The following GALNT1 variants were observed in gnomAD, a reference collection of about 807,000 sequenced individuals.
GALNT1 encodes the protein GalNAc transferase 1.
Under a neutral mutation model 65.7 loss-of-function variants are expected in GALNT1, and 17 were observed. The observed-to-expected ratio is 0.26, with a 90% CI of 0.18 to 0.39. The LOEUF is 0.39. Among genes scored for constraint, GALNT1 ranks in the 10% least tolerant of loss-of-function variants. GALNT1 has a pLI of 1.00. For missense variants in GALNT1, 460 were observed against 672.8 expected (o/e 0.68, Z 3.50); for synonymous variants, 210 against 219.7 (o/e 0.96, Z 0.39).
At chr18:35,678,796 A>T (rs1308100307) in intron 4 of GALNT1, among the ~76,000 whole-genome samples, 1 of 152,196 alleles carries the variant, frequency 6.6e-6, no homozygotes, top group Non-Finnish European at 1.5e-5. Flanking sequence ...GTTAAGTATC[A>T]TACTTTCTCC....
intron 7 of GALNT1, among the ~76,000 whole-genome samples, chr18:35,689,862 C>T (rs2047929480): frequency 6.6e-6 from 1 of 152,142 alleles, no homozygotes; most frequent in Non-Finnish European, 1.5e-5. Context: ...TTGCAAATAA[C>T]CAACTTTAGA....
At chr18:35,603,082 A>G (rs1727633724) in intron 1 of GALNT1, among the ~76,000 whole-genome samples, 1 of 152,142 alleles carries the variant, frequency 6.6e-6, no homozygotes, top group Non-Finnish European at 1.5e-5. Context: ...CCTTAAGTCT[A>G]GGTTTTCCTT....
intron 11 of GALNT1, among the ~76,000 whole-genome samples, chr18:35,708,228 C>CAA (rs2048297922): frequency 6.6e-6 from 1 of 151,964 alleles, no homozygotes; most frequent in South Asian, 2.1e-4. Context: ...ATAAACTACA[C>CAA]AAAGTCTGCA....
chr18:35,587,431 G>C (rs1476838807), intron 1 of GALNT1, among the ~76,000 whole-genome samples: 1 of 152,124 alleles, frequency 6.6e-6, no homozygotes, highest in African/African-American at 2.4e-5. Flanking sequence ...TGATCTTGGG[G>C]GAAAGCATTC....
chr18:35,668,402 C>T (rs552183258), intron 3 of GALNT1, among the ~76,000 whole-genome samples: 1 of 152,096 alleles, frequency 6.6e-6, no homozygotes, highest in South Asian at 2.1e-4. Context: ...ATACAAACAT[C>T]GAGTATAGAG....
At chr18:35,594,384 C>G (rs7244623) in intron 1 of GALNT1, among the ~76,000 whole-genome samples, 1 of 151,892 alleles carries the variant, frequency 6.6e-6, no homozygotes, top group African/African-American at 2.4e-5. Flanking sequence ...GAGGCAAGGA[C>G]TATGTTGGCT....
At chr18:35,686,745 A>AT (rs936983423) in intron 5 of GALNT1, among the ~76,000 whole-genome samples, 2 of 152,032 alleles carry the variant, frequency 1.3e-5, no homozygotes, top group Admixed American at 6.6e-5. Context: ...CAAAAAAAAA[A>AT]TTTTTTTAAT....
At chr18:35,644,748 T>TG (rs1403763121) in intron 1 of GALNT1, among the ~76,000 whole-genome samples, 1 of 152,142 alleles carries the variant, frequency 6.6e-6, no homozygotes, top group Non-Finnish European at 1.5e-5. Context: ...CCCAGCACTT[T>TG]GGGAGGCTGA....
rs1178276678 is a variant in GALNT1, at chr18:35,691,159, G to T, written c.1126G>T (p.Glu376Ter). 1 of 1,606,316 alleles carries T rather than the reference G, an allele frequency of 6.2e-7. No homozygotes were observed. Among genetic ancestry groups the T allele is most frequent in the African/African-American group, 1.3e-5 (1 of 74,352 alleles). The part of the protein sequence containing the change: ...NRRLAEVWMD[E>*]FKNFFYIISP... The stretch of plus-strand genomic sequence containing the variant: ...ACGACTTGCAGAAGTGTGGATGGAT[G>T]AATTCAAGAATTTCTTCTATATAAT... The change falls in exon 8 of 12, where the codon GAA becomes TAA. Residue 376 changes from glutamate (E) to a stop codon, truncating the protein, a stop_gained. Coordinates refer to ENST00000269195, the MANE Select transcript of GALNT1 (RefSeq NM_020474.4). LOFTEE classifies it high-confidence loss of function.
At chr18:35,661,268 G>A (rs927921895) in intron 2 of GALNT1, among the ~76,000 whole-genome samples, 12 of 152,214 alleles carry the variant, frequency 7.9e-5, no homozygotes, top group Non-Finnish European at 1.0e-4. Flanking sequence ...GGAGGCCAAG[G>A]TGGGCAGATC....
At chr18:35,703,833 T>G (rs1331556776) in intron 11 of GALNT1, among the ~76,000 whole-genome samples, 190 bp downstream of exon 11, 1 of 152,248 alleles carries the variant, frequency 6.6e-6, no homozygotes, top group Non-Finnish European at 1.5e-5. Flanking sequence ...AATTAAATTT[T>G]AGTCTTATAA....
At chr18:35,657,354 A>T (rs988305177) in intron 2 of GALNT1, among the ~76,000 whole-genome samples, 2 of 152,168 alleles carry the variant, frequency 1.3e-5, no homozygotes, top group Non-Finnish European at 2.9e-5. Flanking sequence ...TCAGCCTCCC[A>T]AAGGGCTGGG....
chr18:35,582,073 A>G (rs1568009976), intron 1 of GALNT1, among the ~76,000 whole-genome samples: 1 of 152,194 alleles, frequency 6.6e-6, no homozygotes, highest in East Asian at 1.9e-4. Flanking sequence ...AGCTTTGGCG[A>G]GCAGCGAGTT....
chr18:35,671,867 A>G (rs986981892), intron 3 of GALNT1, among the ~76,000 whole-genome samples: 5 of 152,146 alleles, frequency 3.3e-5, no homozygotes, highest in Non-Finnish European at 7.4e-5. Flanking sequence ...TTATTCTTCA[A>G]TTGTGGGACA....
chr18:35,608,998 A>G (rs906627431), intron 1 of GALNT1, among the ~76,000 whole-genome samples: 10 of 152,208 alleles, frequency 6.6e-5, no homozygotes, highest in African/African-American at 2.4e-4. Flanking sequence ...CTACCACAGT[A>G]AAGAGCAATC....
At chr18:35,689,375 A>G in intron 7 of GALNT1, 85 bp downstream of exon 7, 1 of 797,494 alleles carries the variant, frequency 1.3e-6, no homozygotes, top group South Asian at 1.6e-5. Context: ...TACATAAAAA[A>G]TAAAAATTGA....
chr18:35,586,482 G>A lies in GALNT1; in HGVS notation c.-104+4620G>A, dbSNP rs2046379412. Among the ~76,000 whole-genome samples the A allele has an allele frequency of 2.0e-5, 3 of 152,078 alleles. No homozygotes were observed. In the South Asian group the frequency reaches 6.2e-4, roughly 32 times the overall value. ...TTTTTTATGGATCATTCTTTTTGGTGTCAAGTCTGGGAACTCTTTGCCTAG... is the reference window on the plus strand; with the variant it reads ...TTTTTTATGGATCATTCTTTTTGGTATCAAGTCTGGGAACTCTTTGCCTAG... On this transcript the variant is annotated intron_variant, in intron 1 of 11. Coordinates refer to ENST00000269195, the MANE Select transcript of GALNT1 (RefSeq NM_020474.4).
chr18:35,645,691 A>G (rs1030977143), intron 1 of GALNT1, among the ~76,000 whole-genome samples: 4 of 152,236 alleles, frequency 2.6e-5, no homozygotes, highest in African/African-American at 9.6e-5. Flanking sequence ...TACCATCTGC[A>G]GATGATAATT....
chr18:35,671,734 G>A (rs2047639617), intron 3 of GALNT1, among the ~76,000 whole-genome samples: 1 of 151,944 alleles, frequency 6.6e-6, no homozygotes, highest in Admixed American at 6.6e-5. Flanking sequence ...TCTTGGTTTG[G>A]AAGCCGTACA....
Sources: gnomAD v4.1 joint callset for allele counts (sites outside exome capture counted in the v4.1 genomes callset) on GRCh38, gnomAD v4.1.1 for gene constraint, MANE v1.5 for transcripts, NCBI Gene and HGNC (gene_info 2026-07-23, HGNC 2026-07-21) for gene names.